The following MPP3 variants were observed in gnomAD, a reference collection of about 807,000 sequenced individuals.
MPP3 encodes the protein MAGUK p55 scaffold protein 3.
A neutral mutation model predicts 80.7 loss-of-function variants in MPP3; 48 were observed. The observed-to-expected ratio is 0.59, with a 90% CI of 0.47 to 0.76. MPP3 has a LOEUF of 0.76. Ranked by LOEUF, MPP3 falls within the 30% of genes least tolerant of loss-of-function variation. MPP3 has a pLI of 0.00. For synonymous variants in MPP3, 311 were observed against 297.6 expected, an observed-to-expected ratio of 1.04 and a Z score of -0.46; for missense variants, 620 against 763.0, an observed-to-expected ratio of 0.81 and a Z score of 2.21.
In MPP3 at chr17:43,811,190, C is replaced by T. The variant is rs762285367; in HGVS notation, c.1271G>A (p.Arg424Gln). Residue 424 changes from arginine (R) to glutamine (Q), a missense_variant, in exon 17 of 20, where the codon CGA (arginine) becomes CAA (glutamine). Arg to Gln is a conservative substitution (Grantham distance 43). Transcript: ENST00000398389. ...GVAVPHTTRP[R>Q]KSHEKEGVEY... ...CACTCCTTCCTTCTCATGGCTCTTT[C>T]GGGGCCTGGTGGTATCTTTTAAAGA... The T allele has an allele frequency of 5.6e-5, 91 of 1,613,886 alleles. No individual in the cohort carries two copies. The Middle Eastern group carries it at 8.2e-4, about 15-fold the overall frequency.
At chr17:43,813,756 G>C (rs2044976546) in intron 16 of MPP3, among the ~76,000 whole-genome samples, 1 of 152,092 alleles carries the variant, frequency 6.6e-6, no homozygotes, top group Non-Finnish European at 1.5e-5. Flanking sequence ...CCTACAATGT[G>C]CTCTGGACTC....
At position 43,811,220 on chromosome 17, in the gene MPP3, A is replaced by G. The variant is rs1423926755; in HGVS notation, c.1256-15T>C. 1 of 1,605,824 alleles carries G rather than the reference A, an allele frequency of 6.2e-7. No homozygotes were observed. Among genetic ancestry groups the G allele is most frequent in the Non-Finnish European group, 8.5e-7 (1 of 1,172,714 alleles). On this transcript the variant is annotated splice_polypyrimidine_tract_variant and intron_variant, in intron 16 of 19. Coordinates refer to ENST00000398389, the MANE Select transcript of MPP3 (RefSeq NM_001932.6). ...CCTGGTGGTATCTTTTAAAGAAAGA[A>G]GGAAAGCTGGGCAAAGAGATGTCAC...
In MPP3 at chr17:43,831,128, T is replaced by C. The variant is rs1032576837; in HGVS notation, c.222+116A>G. 4.1e-5 allele frequency: 39 copies of C among 949,600 alleles called. No homozygotes were observed. In the Admixed American group the frequency reaches 7.8e-4, roughly 19 times the overall value. The allele number at this position is 949,600 out of a possible 1,614,324, so 58.8% of individuals were successfully genotyped here. On this transcript the variant is annotated intron_variant, in intron 5 of 19. Coordinates refer to ENST00000398389, the MANE Select transcript of MPP3 (RefSeq NM_001932.6). ...GGAGGACAAGGGAAGAAAACACCTC[T>C]TCACCTTTGGGCTCCTGATTCCCGG...
rs1213885261 is a variant in MPP3 at position 43,811,112 on chromosome 17, T to C, written c.1349A>G (p.Lys450Arg). The C allele has an allele frequency of 7.4e-6, 12 of 1,613,426 alleles. No homozygotes were observed. Among genetic ancestry groups the C allele is most frequent in the Non-Finnish European group, 1.0e-5 (12 of 1,179,308 alleles). ...QAFEADLHHN[K>R]FLEHGEYKEN... ...CCAACTGGCCCATCAAGCAACGTAC[T>C]TGTTGTGATGTAAGTCGGCCTCAAA... is the stretch of plus-strand genomic sequence containing the variant. Residue 450 changes from lysine (K) to arginine (R), a missense_variant and splice_region_variant, in exon 17 of 20, where the codon AAG becomes AGG. Transcript: ENST00000398389.
At chr17:43,812,069 C>T (rs754161405) in intron 16 of MPP3, among the ~76,000 whole-genome samples, 15 of 152,150 alleles carry the variant, frequency 9.9e-5, no homozygotes, top group Non-Finnish European at 2.1e-4. Flanking sequence ...GAAGACAGAC[C>T]GTCCCTATAT....
At position 43,814,050 on chromosome 17, in the gene MPP3, C is replaced by G. The variant is rs1418498213; in HGVS notation, c.1216G>C (p.Val406Leu). ...ARLHELKQKV[V>L]AENPQHFGVA... is the part of the protein sequence containing the mutation. ...CCAAAGTGCTGTGGGTTCTCAGCCA[C>G]CACCTTTTGCTTCAGCTCGTGCAGT... Residue 406 changes from valine to leucine, a missense_variant, in exon 16 of 20, where the codon GTG becomes CTG. Val to Leu is a conservative substitution (Grantham distance 32). Transcript: ENST00000398389. The G allele has an allele frequency of 6.2e-7, 1 of 1,613,500 alleles. No homozygotes were observed. Among genetic ancestry groups the G allele is most frequent in the South Asian group, 1.1e-5 (1 of 91,026 alleles).
chr17:43,830,000 G>T, intron 6 of MPP3, 27 bp downstream of exon 6: 1 of 1,604,324 alleles, frequency 6.2e-7, no homozygotes, highest in Non-Finnish European at 8.5e-7. Context: ...CCAGAGGCAT[G>T]GCTGGGCAGG....
In MPP3 at chr17:43,825,834, G is replaced by C. The variant is rs779032634; in HGVS notation, c.531C>G (p.Val177=). 4 of 1,607,572 alleles carry C rather than the reference G, an allele frequency of 2.5e-6. No homozygotes were observed. The highest frequency in any genetic ancestry group is 1.1e-5 in the South Asian group (1 of 90,948). ...RGGAADRSGL[V]HVGDELREVN... is the part of the protein sequence containing the mutation. ...CTTCTCGGAGCTCATCTCCAACGTGGACCAGGCCTAGGAGACACAGGGACT... is the reference window on the plus strand; with the variant it reads ...CTTCTCGGAGCTCATCTCCAACGTGCACCAGGCCTAGGAGACACAGGGACT... Residue 177 remains valine, a synonymous_variant, in exon 9 of 20, where the codon GTC becomes GTG. Coordinates refer to ENST00000398389, the MANE Select transcript of MPP3 (RefSeq NM_001932.6).
chr17:43,828,720 T>A (rs1253635965), intron 7 of MPP3, among the ~76,000 whole-genome samples: 1 of 152,220 alleles, frequency 6.6e-6, no homozygotes, highest in Non-Finnish European at 1.5e-5. Flanking sequence ...GTACGTAAGA[T>A]AATTATTGCT....
Position 43,825,664 on chromosome 17 carries a change from AG to A in MPP3, c.609+91del, listed in dbSNP as rs1396461825. 5.6e-6 allele frequency: 5 copies of A among 885,064 alleles called. No individual in the cohort carries two copies. In the African/African-American group the frequency reaches 8.2e-5, roughly 14 times the overall value. 54.8% of individuals were successfully genotyped at this position (885,064 alleles called of 1,614,324 possible). Reference sequence around the variant, plus strand: ...CTGCCACCTCCTCAGGACAACAGCAAGGCTAAGCCAGAATCTGTCCTGGCTC... The same window carrying A: ...CTGCCACCTCCTCAGGACAACAGCAAGCTAAGCCAGAATCTGTCCTGGCTC... On this transcript the variant is annotated intron_variant, in intron 9 of 19. Coordinates refer to ENST00000398389, the MANE Select transcript of MPP3 (RefSeq NM_001932.6).
intron 16 of MPP3, chr17:43,811,521 C>A (rs1457717776): frequency 3.3e-6 from 1 of 306,464 alleles, no homozygotes; most frequent in Non-Finnish European, 6.1e-6. Context: ...GGTCTCTCTG[C>A]CAAATGCCCA....
intron 14 of MPP3, among the ~76,000 whole-genome samples, chr17:43,815,513 G>A (rs2045073611): frequency 6.6e-6 from 1 of 151,972 alleles, no homozygotes; most frequent in African/African-American, 2.4e-5. Context: ...GAGGTGGGAG[G>A]ATTGTTTGAG....
intron 13 of MPP3, 69 bp from the exon 14 acceptor site, chr17:43,816,148 C>T: frequency 1.5e-6 from 2 of 1,376,120 alleles, no homozygotes; most frequent in Non-Finnish European, 1.9e-6. Flanking sequence ...GGCACCCAGC[C>T]CCTGGATGGC....
At position 43,831,613 on chromosome 17, in the gene MPP3, C is replaced by G; in HGVS notation, c.90G>C (p.Glu30Asp). The change falls in exon 4 of 20, where the codon GAG (glutamate) becomes GAC (aspartate). Residue 30 changes from glutamate (E) to aspartate (D), a missense_variant. Glu to Asp is a conservative substitution (Grantham distance 45). Coordinates refer to ENST00000398389, the MANE Select transcript of MPP3 (RefSeq NM_001932.6). ...QLRPDSNHKE[E>D]MGFLRDVFSE... ...TGAAAACATCCCTCAGGAAGCCCAT[C>G]TCCTCCTTGTGGTTGGAGTCAGGTC... is the stretch of plus-strand genomic sequence containing the variant. The G allele has an allele frequency of 6.2e-7, 1 of 1,614,002 alleles. No homozygotes were observed. Among genetic ancestry groups the G allele is most frequent in the Middle Eastern group, 1.7e-4 (1 of 6,058 alleles).
rs146778644 is a variant in MPP3 at position 43,812,228 on chromosome 17, C to T, written c.1256-1023G>A. ...GAACAAGGGCACACACAAAGCCACACACACAGTATTTTCCAAAAGATAAAA... is the reference window on the plus strand; with the variant it reads ...GAACAAGGGCACACACAAAGCCACATACACAGTATTTTCCAAAAGATAAAA... On this transcript the variant is annotated intron_variant, in intron 16 of 19. Coordinates refer to ENST00000398389, the MANE Select transcript of MPP3 (RefSeq NM_001932.6). Among the ~76,000 whole-genome samples, 682 of 152,314 alleles carry T rather than the reference C, an allele frequency of 4.5e-3. 3 individuals carry two copies. The highest frequency in any genetic ancestry group is 0.016 in the African/African-American group (655 of 41,550).
intron 11 of MPP3, 24 bp from the exon 12 acceptor site, chr17:43,818,134 C>A: frequency 6.7e-7 from 1 of 1,489,678 alleles, no homozygotes; most frequent in Non-Finnish European, 9.0e-7. Flanking sequence ...AGGGGATGGG[C>A]GGGCCCGTGA....
chr17:43,822,459 T>A (rs2045505005), intron 10 of MPP3, among the ~76,000 whole-genome samples: 2 of 151,982 alleles, frequency 1.3e-5, no homozygotes, highest in Non-Finnish European at 2.9e-5. Context: ...CCTTTTTGCC[T>A]TGGCTGCCAG....
At position 43,827,839 on chromosome 17, in the gene MPP3, C is replaced by T. The variant is rs1407938833; in HGVS notation, c.442-7G>A. Reference sequence around the variant, plus strand: ...CCCGCCGGATGGTGGCACCCTGAACCCGAGACAGAAGAGACAGGTTCTTAA... The same window carrying T: ...CCCGCCGGATGGTGGCACCCTGAACTCGAGACAGAAGAGACAGGTTCTTAA... On this transcript the variant is annotated splice_region_variant and splice_polypyrimidine_tract_variant and intron_variant, in intron 7 of 19. Transcript: ENST00000398389. 1 of 1,613,014 alleles carries T rather than the reference C, an allele frequency of 6.2e-7. No homozygotes were observed. The highest frequency in any genetic ancestry group is 1.7e-5 in the Admixed American group (1 of 60,010).
chr17:43,827,917 C>T, intron 7 of MPP3, 85 bp from the exon 8 acceptor site: 5 of 1,252,284 alleles, frequency 4.0e-6, no homozygotes, highest in South Asian at 1.2e-5. Context: ...ACAGCCTCCC[C>T]AGTCCCTCCC....
Sources: allele counts gnomAD v4.1 joint callset (sites outside exome capture counted in the v4.1 genomes callset), GRCh38; gene constraint gnomAD v4.1.1; transcripts MANE v1.5; gene names NCBI Gene and HGNC (gene_info 2026-07-23, HGNC 2026-07-21).